The following PRDM16 variants were observed in gnomAD, a reference collection of about 807,000 sequenced individuals.
PRDM16 encodes the protein PR/SET domain 16.
A neutral mutation model predicts 110.6 loss-of-function variants in PRDM16; 23 were observed. The observed-to-expected ratio is 0.21, with a 90% CI of 0.15 to 0.29. The LOEUF is 0.29. Among genes scored for constraint, PRDM16 ranks in the 10% least tolerant of loss-of-function variants. The pLI is 1.00. For missense variants in PRDM16, 1,615 were observed against 1,794.3 expected (o/e 0.90, Z 1.81); for synonymous variants, 799 against 781.8 (o/e 1.02, Z -0.37).
At chr1:3,275,778 G>A (rs1423900385) in intron 3 of PRDM16, among the ~76,000 whole-genome samples, 1 of 152,178 alleles carries the variant, frequency 6.6e-6, no homozygotes, top group Non-Finnish European at 1.5e-5. Flanking sequence ...AGCCAGGGGG[G>A]CGGGAGGGGA....
intron 5 of PRDM16, among the ~76,000 whole-genome samples, chr1:3,399,725 GA>G (rs1168761043): frequency 6.6e-6 from 1 of 152,178 alleles, no homozygotes. Flanking sequence ...ATGAGAACTG[GA>G]AAAAATAAGT....
At chr1:3,338,872 C>T (rs1642214536) in intron 3 of PRDM16, among the ~76,000 whole-genome samples, 1 of 152,232 alleles carries the variant, frequency 6.6e-6, no homozygotes, top group Non-Finnish European at 1.5e-5. Flanking sequence ...CCCATGAGGA[C>T]AGGCCAGCAG....
At chr1:3,272,626 G>A (rs992969424) in intron 3 of PRDM16, among the ~76,000 whole-genome samples, 1 of 152,214 alleles carries the variant, frequency 6.6e-6, no homozygotes, top group African/African-American at 2.4e-5. Flanking sequence ...GCAGGTCCCC[G>A]GGTAACCTGT....
chr1:3,298,440 G>A lies in PRDM16; in HGVS notation c.438+54303G>A, dbSNP rs191035340. Among the ~76,000 whole-genome samples the A allele has an allele frequency of 4.6e-5, 7 of 152,338 alleles. No homozygotes were observed. In the East Asian group the frequency reaches 5.8e-4, roughly 13 times the overall value. Reference sequence around the variant, plus strand: ...GACACCAGCCTGGGAAATGAGCTTCGTTGCTCGATGGAGGCACTGAAGCTT... The same window carrying A: ...GACACCAGCCTGGGAAATGAGCTTCATTGCTCGATGGAGGCACTGAAGCTT... On this transcript the variant is annotated intron_variant, in intron 3 of 16. Transcript: ENST00000270722.
Position 3,148,908 on chromosome 1 carries a change from G to A in PRDM16, c.38-37217G>A, listed in dbSNP as rs752213239. Among the ~76,000 whole-genome samples, 2 of 152,214 alleles carry A rather than the reference G, an allele frequency of 1.3e-5. No individual in the cohort carries two copies. The highest frequency in any genetic ancestry group is 2.1e-4 in the South Asian group (1 of 4,834). On this transcript the variant is annotated intron_variant, in intron 1 of 16. Transcript: ENST00000270722. This position sits in a 1 kb window ranked among gnomAD's most constrained non-coding sequence, Gnocchi z 5.0. ...TCCAAAAAAGGAGGATCCCAGTTGCGGAGGAAATGTTGGAGGAGGGGCAGT... is the reference window on the plus strand; with the variant it reads ...TCCAAAAAAGGAGGATCCCAGTTGCAGAGGAAATGTTGGAGGAGGGGCAGT...
intron 1 of PRDM16, among the ~76,000 whole-genome samples, chr1:3,098,522 G>A (rs1371901917): frequency 2.0e-5 from 3 of 152,208 alleles, no homozygotes; most frequent in Non-Finnish European, 4.4e-5. Flanking sequence ...TGCAGCCAGA[G>A]AGGTTCCCCC....
intron 1 of PRDM16, among the ~76,000 whole-genome samples, chr1:3,149,244 G>A (rs1182252957): frequency 6.6e-6 from 1 of 152,206 alleles, no homozygotes; most frequent in Non-Finnish European, 1.5e-5. Flanking sequence ...GAGAACACGG[G>A]TGAGAATGAA....
chr1:3,395,908 C>G (rs1171136031), intron 4 of PRDM16, among the ~76,000 whole-genome samples: 1 of 152,224 alleles, frequency 6.6e-6, no homozygotes, highest in African/African-American at 2.4e-5. Context: ...CAGACTCCCG[C>G]CTGTGGGGTC....
At chr1:3,428,982 G>T (rs1364511870) in intron 14 of PRDM16, among the ~76,000 whole-genome samples, 1 of 152,236 alleles carries the variant, frequency 6.6e-6, no homozygotes, top group Non-Finnish European at 1.5e-5. Context: ...CCCAGCCAAG[G>T]GTCACCTAAG....
At chr1:3,294,527 T>C (rs985476428) in intron 3 of PRDM16, among the ~76,000 whole-genome samples, 28 of 152,050 alleles carry the variant, frequency 1.8e-4, no homozygotes, top group African/African-American at 6.8e-4. Flanking sequence ...TGCCCCAACA[T>C]CAGCAACACA....
chr1:3,071,380 C>G (rs1245157999), intron 1 of PRDM16, among the ~76,000 whole-genome samples: 1 of 152,266 alleles, frequency 6.6e-6, no homozygotes, highest in Non-Finnish European at 1.5e-5. Context: ...GAGCGCCGAG[C>G]GCTGGCTTCC....
rs115544698 is a variant in PRDM16, at chr1:3,316,486, C to T, written c.439-68666C>T. Among the ~76,000 whole-genome samples the T allele has an allele frequency of 5.8e-3, 877 of 152,292 alleles. 10 individuals carry two copies. The highest frequency in any genetic ancestry group is 0.02 in the African/African-American group (814 of 41,540). On this transcript the variant is annotated intron_variant, in intron 3 of 16. Coordinates refer to ENST00000270722, the MANE Select transcript of PRDM16 (RefSeq NM_022114.4). Reference sequence around the variant, plus strand: ...GGGAGGGATTCAGGACAGGGAGGACCTGGGAAGAGAACCTGAGTGGAAAAC... The same window carrying T: ...GGGAGGGATTCAGGACAGGGAGGACTTGGGAAGAGAACCTGAGTGGAAAAC...
chr1:3,395,636 G>A (rs543642961), intron 4 of PRDM16, among the ~76,000 whole-genome samples: 16 of 152,310 alleles, frequency 1.1e-4, no homozygotes, highest in South Asian at 6.2e-4. Context: ...TTGTGCTGGC[G>A]GCATGGCCCG....
chr1:3,272,693 A>G (rs868414099), intron 3 of PRDM16, among the ~76,000 whole-genome samples: 2 of 151,700 alleles, frequency 1.3e-5, no homozygotes, highest in African/African-American at 2.4e-5. Context: ...AAAGTTCCCT[A>G]TGAGATGCCT....
At chr1:3,197,817 G>A (rs998425609) in intron 2 of PRDM16, among the ~76,000 whole-genome samples, 18 of 152,126 alleles carry the variant, frequency 1.2e-4, no homozygotes, top group South Asian at 2.1e-4. Flanking sequence ...GGTCCCACGC[G>A]TTCCAGGCCA....
intron 1 of PRDM16, among the ~76,000 whole-genome samples, chr1:3,110,604 A>G (rs1450177803): frequency 6.6e-6 from 1 of 152,260 alleles, no homozygotes; most frequent in African/African-American, 2.4e-5. Context: ...AACGTATTTT[A>G]GTGATTGAAG....
At chr1:3,375,952 G>C (rs1642983205) in intron 3 of PRDM16, among the ~76,000 whole-genome samples, 1 of 152,186 alleles carries the variant, frequency 6.6e-6, no homozygotes, top group Admixed American at 6.5e-5. Context: ...AGCAGAGATG[G>C]CAGAACTCCG....
At chr1:3,102,025 C>A (rs1642544621) in intron 1 of PRDM16, among the ~76,000 whole-genome samples, 1 of 152,190 alleles carries the variant, frequency 6.6e-6, no homozygotes, top group African/African-American at 2.4e-5. Context: ...CCTTTCTAAC[C>A]CCAACCTTGT....
intron 1 of PRDM16, among the ~76,000 whole-genome samples, chr1:3,105,611 G>A (rs1316781447): frequency 6.6e-6 from 1 of 152,212 alleles, no homozygotes; most frequent in Non-Finnish European, 1.5e-5. Flanking sequence ...CCTCATGACT[G>A]TGATTAGTAT....
Sources: gnomAD v4.1 joint callset for allele counts (sites outside exome capture counted in the v4.1 genomes callset) on GRCh38, gnomAD v4.1.1 for gene constraint, Gnocchi (gnomAD v3.1) non-coding constraint, MANE v1.5 for transcripts, NCBI Gene and HGNC (gene_info 2026-07-23, HGNC 2026-07-21) for gene names.